INSYN1: variants seen among roughly 807,000 people sequenced by gnomAD.
INSYN1 encodes UPF0583 protein C15orf59.
In INSYN1, 7 loss-of-function variants were observed where a neutral mutation model predicts 17.1. The observed-to-expected ratio is 0.41, with a 90% confidence interval of 0.23 to 0.77. The LOEUF is 0.77. INSYN1 is among the 30% of genes least tolerant of loss of function. The pLI is 0.32. For synonymous variants in INSYN1, 174 were observed against 166.3 expected, an observed-to-expected ratio of 1.05 and a Z score of -0.36; for missense variants, 339 against 400.6, an observed-to-expected ratio of 0.85 and a Z score of 1.31.
At chr15:73,744,004 A>G (rs1012397515) in intron 2 of INSYN1, among the ~76,000 whole-genome samples, 2 of 152,064 alleles carry the variant, frequency 1.3e-5, no homozygotes, top group Non-Finnish European at 2.9e-5. Context: ...AAGTTACTCA[A>G]CGTCTCTGTG....
rs752859823 is a variant in INSYN1, at chr15:73,740,451, C to T, written c.348G>A (p.Leu116=). The T allele has an allele frequency of 8.1e-6, 13 of 1,613,724 alleles. No individual in the cohort carries two copies. The highest frequency in any genetic ancestry group is 1.6e-4 in the Middle Eastern group (1 of 6,082). Residue 116 remains leucine (L), a synonymous_variant, in exon 3 of 3, where the codon CTG becomes CTA. Transcript: ENST00000569673. ...LSDSWEFCSF[L]DVSTPSDSVD... The stretch of plus-strand genomic sequence containing the variant: ...CGGAGTCCGAGGGGGTAGAGACGTC[C>T]AGGAAGGAGCAGAACTCCCAGCTGT...
At position 73,736,603 on chromosome 15, in the gene INSYN1, C is replaced by CA. The variant is rs199857451; in HGVS notation, c.*3313dup. 831 of 149,048 alleles carry CA rather than the reference C, an allele frequency of 5.6e-3. 4 individuals carry two copies. Among genetic ancestry groups the CA allele is most frequent in the Admixed American group, 7.4e-3 (111 of 14,950 alleles). 9.2% of individuals were successfully genotyped at this position (149,048 alleles called of 1,614,324 possible). On this transcript the variant is annotated 3_prime_UTR_variant, in exon 3 of 3. Coordinates refer to ENST00000569673, the MANE Select transcript of INSYN1 (RefSeq NM_001039614.3). Reference sequence around the variant, plus strand: ...AAGACTCCATCTCAAAAAAACAAAACAAAAAAAAATTGGCCAGGCGTAGTG... The same window carrying CA: ...AAGACTCCATCTCAAAAAAACAAAACAAAAAAAAAATTGGCCAGGCGTAGTG...
At chr15:73,748,550 C>A (rs977640207) in intron 2 of INSYN1, among the ~76,000 whole-genome samples, 1 of 152,020 alleles carries the variant, frequency 6.6e-6, no homozygotes, top group Non-Finnish European at 1.5e-5. Context: ...CCCATGCCCC[C>A]GATAAAAAAA....
At chr15:73,743,169 G>A (rs1015756935) in intron 2 of INSYN1, among the ~76,000 whole-genome samples, 23 of 152,196 alleles carry the variant, frequency 1.5e-4, no homozygotes, top group African/African-American at 5.3e-4. Context: ...GACCTCACAG[G>A]GTCAGCTGAG....
chr15:73,751,181 C>T lies in INSYN1; in HGVS notation c.-51G>A, dbSNP rs180934594. On this transcript the variant is annotated 5_prime_UTR_variant, in exon 2 of 3. In the 5' UTR this introduces an upstream ATG that the reference lacks. Coordinates refer to ENST00000569673, the MANE Select transcript of INSYN1 (RefSeq NM_001039614.3). ...CCCATACTCCCCCCAGCTGGGCACACACTGCGTCTGCCTCCACGGAGCCCC... is the reference window on the plus strand; with the variant it reads ...CCCATACTCCCCCCAGCTGGGCACATACTGCGTCTGCCTCCACGGAGCCCC... 6 of 1,602,838 alleles carry T rather than the reference C, an allele frequency of 3.7e-6. No homozygotes were observed. Among genetic ancestry groups the T allele is most frequent in the Admixed American group, 3.4e-5 (2 of 59,460 alleles).
chr15:73,752,247 C>G lies in INSYN1; in HGVS notation c.-705G>C, dbSNP rs975206639. On this transcript the variant is annotated 5_prime_UTR_variant, in exon 1 of 3. Coordinates refer to ENST00000569673, the MANE Select transcript of INSYN1 (RefSeq NM_001039614.3). The surrounding 1 kb of genome is among the most constrained non-coding windows in gnomAD (Gnocchi z 5.2). The stretch of plus-strand genomic sequence containing the variant: ...GGCCCCGGGCCTCAGGGAGGTCCTC[C>G]GAGCCGTGACCGGAGACATCTGGGC... The G allele has an allele frequency of 6.6e-6, 1 of 152,182 alleles. No homozygotes were observed. Among genetic ancestry groups the G allele is most frequent in the African/African-American group, 2.4e-5 (1 of 41,426 alleles). The allele number at this position is 152,182 out of a possible 1,614,324, so 9.4% of individuals were successfully genotyped here.
Position 73,739,878 on chromosome 15 carries a change from G to A in INSYN1, c.*39C>T, listed in dbSNP as rs756309204. ...ATATATATATATATATTTATTTATA[G>A]CTCTATGTGCCCACCGCCCCCGGCC... On this transcript the variant is annotated 3_prime_UTR_variant, in exon 3 of 3. Coordinates refer to ENST00000569673, the MANE Select transcript of INSYN1 (RefSeq NM_001039614.3). The A allele has an allele frequency of 1.7e-6, 1 of 594,160 alleles. No homozygotes were observed. The highest frequency in any genetic ancestry group is 2.8e-6 in the Non-Finnish European group (1 of 352,136). 36.8% of individuals were successfully genotyped at this position (594,160 alleles called of 1,614,324 possible).
At position 73,739,212 on chromosome 15, in the gene INSYN1, G is replaced by A. The variant is rs1901608203; in HGVS notation, c.*705C>T. The A allele has an allele frequency of 1.3e-5, 2 of 152,406 alleles. No individual in the cohort carries two copies. The highest frequency in any genetic ancestry group is 6.5e-5 in the Admixed American group (1 of 15,292). The allele number at this position is 152,406 out of a possible 1,614,324, so 9.4% of individuals were successfully genotyped here. A position where few individuals can be genotyped will look rare whatever the true frequency, so the allele number is the denominator to read the frequency against. ...ATCAGGCTGAGAATGGGAGCTGAAAGGATTGGGGGTGGTCCAGACCCTCCA... is the reference window on the plus strand; with the variant it reads ...ATCAGGCTGAGAATGGGAGCTGAAAAGATTGGGGGTGGTCCAGACCCTCCA... On this transcript the variant is annotated 3_prime_UTR_variant, in exon 3 of 3. Coordinates refer to ENST00000569673, the MANE Select transcript of INSYN1 (RefSeq NM_001039614.3).
At chr15:73,749,686 A>G (rs760279481) in intron 2 of INSYN1, among the ~76,000 whole-genome samples, 1 of 152,216 alleles carries the variant, frequency 6.6e-6, no homozygotes, top group African/African-American at 2.4e-5. Flanking sequence ...CTGTCCAAAG[A>G]TGTGCAACCC....
Position 73,738,223 on chromosome 15 carries a change from G to A in INSYN1, c.*1694C>T, listed in dbSNP as rs992899366. ...CTACCAGACCCATTATACAGAGGAG[G>A]TAGATAGGCTCAGAGAGGCAAACGG... On this transcript the variant is annotated 3_prime_UTR_variant, in exon 3 of 3. Transcript: ENST00000569673. The A allele has an allele frequency of 1.3e-5, 2 of 152,278 alleles. No homozygotes were observed. Among genetic ancestry groups the A allele is most frequent in the African/African-American group, 4.8e-5 (2 of 41,468 alleles). 9.4% of individuals were successfully genotyped at this position (152,278 alleles called of 1,614,324 possible). A position where few individuals can be genotyped will look rare whatever the true frequency, so the allele number is the denominator to read the frequency against.
chr15:73,752,948 G>C lies in INSYN1; in HGVS notation c.-1406C>G, dbSNP rs1902030279. On this transcript the variant is annotated 5_prime_UTR_variant, in exon 1 of 3. Coordinates refer to ENST00000569673, the MANE Select transcript of INSYN1 (RefSeq NM_001039614.3). This position sits in a 1 kb window ranked among gnomAD's most constrained non-coding sequence, Gnocchi z 5.2. ...AGGAGGCGAGAAGAGGCGAGGGGAG[G>C]AGGCGCGGCGAGGGGAAGGGAGGGG... Among the ~76,000 whole-genome samples, 1 of 149,910 alleles carries C rather than the reference G, an allele frequency of 6.7e-6. No individual in the cohort carries two copies. Among genetic ancestry groups the C allele is most frequent in the Admixed American group, 6.6e-5 (1 of 15,124 alleles).
intron 2 of INSYN1, 88 bp downstream of exon 2, chr15:73,750,887 A>G: frequency 7.0e-7 from 1 of 1,432,882 alleles, no homozygotes; most frequent in Non-Finnish European, 9.8e-7. Flanking sequence ...AGCTTTGCAC[A>G]CTCCAACGTA....
In INSYN1 at chr15:73,736,534, T is replaced by C. The variant is rs974276946; in HGVS notation, c.*3383A>G. The C allele has an allele frequency of 6.6e-6, 1 of 152,086 alleles. No individual in the cohort carries two copies. Among genetic ancestry groups the C allele is most frequent in the Non-Finnish European group, 1.5e-5 (1 of 68,058 alleles). 9.4% of individuals were successfully genotyped at this position (152,086 alleles called of 1,614,324 possible). On this transcript the variant is annotated 3_prime_UTR_variant, in exon 3 of 3. Coordinates refer to ENST00000569673, the MANE Select transcript of INSYN1 (RefSeq NM_001039614.3). Reference sequence around the variant, plus strand: ...TGAACCCAGGAGGCAGAGGTTGCAGTGAGCTGAGATCACGCCATTGCTCTC... The same window carrying C: ...TGAACCCAGGAGGCAGAGGTTGCAGCGAGCTGAGATCACGCCATTGCTCTC...
chr15:73,743,036 C>T (rs534195663), intron 2 of INSYN1, among the ~76,000 whole-genome samples: 2 of 152,248 alleles, frequency 1.3e-5, no homozygotes, highest in African/African-American at 4.8e-5. Flanking sequence ...AGAGGCCCAC[C>T]ACCTCTGGGG....
intron 2 of INSYN1, among the ~76,000 whole-genome samples, chr15:73,746,246 T>G (rs1283114533): frequency 2.0e-5 from 3 of 152,176 alleles, no homozygotes; most frequent in Non-Finnish European, 4.4e-5. Context: ...TTCATGGCTC[T>G]CATCCTGCAA....
intron 2 of INSYN1, among the ~76,000 whole-genome samples, chr15:73,742,810 A>G (rs1212217449): frequency 6.6e-6 from 1 of 152,040 alleles, no homozygotes. Flanking sequence ...GCACTGGCCT[A>G]GCGTAGGGAC....
chr15:73,751,946 T>TC (rs1200732270), intron 1 of INSYN1, among the ~76,000 whole-genome samples, 164 bp downstream of exon 1: 114 of 61,274 alleles, frequency 1.9e-3, no homozygotes, highest in East Asian at 4.9e-3. Flanking sequence ...GCTCCCGCCC[T>TC]CCCCCCCCAC....
chr15:73,750,195 G>A (rs894831620), intron 2 of INSYN1, among the ~76,000 whole-genome samples: 2 of 152,198 alleles, frequency 1.3e-5, no homozygotes, highest in African/African-American at 2.4e-5. Context: ...ACAGGGGGCA[G>A]GGCTGAAGAC....
At chr15:73,744,139 C>T (rs1901764185) in intron 2 of INSYN1, among the ~76,000 whole-genome samples, 1 of 152,162 alleles carries the variant, frequency 6.6e-6, no homozygotes, top group Non-Finnish European at 1.5e-5. Context: ...ATCTACAATG[C>T]ACCGTTGGGG....
Sources: gnomAD v4.1 joint callset for allele counts (sites outside exome capture counted in the v4.1 genomes callset) on GRCh38, gnomAD v4.1.1 for gene constraint, Gnocchi (gnomAD v3.1) non-coding constraint, MANE v1.5 for transcripts, NCBI Gene and HGNC (gene_info 2026-07-23, HGNC 2026-07-21) for gene names.